Variants in DLGAP1 observed in about 807,000 individuals in gnomAD.
DLGAP1 encodes the protein disks large-associated protein 1.
A neutral mutation model predicts 90.8 loss-of-function variants in DLGAP1; 11 were observed. The ratio of observed to expected loss-of-function variants is 0.12; its 90% CI spans 0.08 to 0.20. The LOEUF (loss-of-function observed/expected upper bound fraction) is 0.20. DLGAP1 is among the 10% of genes least tolerant of loss of function. The pLI is 1.00. For missense variants in DLGAP1, 1,050 were observed against 1,333.8 expected (o/e 0.79, Z 3.31); for synonymous variants, 558 against 540.7 (o/e 1.03, Z -0.44).
At chr18:3,620,849 C>T (rs370715583) in intron 7 of DLGAP1, among the ~76,000 whole-genome samples, 3 of 152,294 alleles carry the variant, frequency 2.0e-5, no homozygotes, top group South Asian at 2.1e-4. Context: ...AGAGCCACCA[C>T]GTCCGGCCTG....
At chr18:3,889,784 T>A (rs1188904383) in intron 3 of DLGAP1, among the ~76,000 whole-genome samples, 2 of 152,174 alleles carry the variant, frequency 1.3e-5, no homozygotes, top group African/African-American at 4.8e-5. Context: ...TGGACTCTGG[T>A]AAGCTTCAAG....
At chr18:3,901,423 A>G (rs2071779911) in intron 3 of DLGAP1, among the ~76,000 whole-genome samples, 2 of 152,020 alleles carry the variant, frequency 1.3e-5, no homozygotes, top group African/African-American at 4.8e-5. Flanking sequence ...TTTCTGCTTT[A>G]CACCCCGTCC....
At chr18:3,977,145 G>T (rs951295465) in intron 3 of DLGAP1, among the ~76,000 whole-genome samples, 44 of 152,198 alleles carry the variant, frequency 2.9e-4, no homozygotes, top group African/African-American at 1.1e-3. Context: ...TGCCATCTCG[G>T]CTCACTGCAA....
intron 2 of DLGAP1, among the ~76,000 whole-genome samples, chr18:4,041,098 T>C (rs1041398435): frequency 6.6e-6 from 1 of 152,218 alleles, no homozygotes; most frequent in Non-Finnish European, 1.5e-5. Flanking sequence ...ACCCGAAGTG[T>C]TCCTCCAACT....
At chr18:3,598,922 G>A (rs1035096461) in intron 7 of DLGAP1, among the ~76,000 whole-genome samples, 1 of 151,700 alleles carries the variant, frequency 6.6e-6, no homozygotes, top group Admixed American at 6.6e-5. Context: ...ACAGGCGGGC[G>A]CCACCACACC....
At chr18:4,111,465 C>T (rs546115578) in intron 2 of DLGAP1, among the ~76,000 whole-genome samples, 60 of 152,200 alleles carry the variant, frequency 3.9e-4, no homozygotes, top group Non-Finnish European at 2.8e-4. Flanking sequence ...CTCTCCTCTC[C>T]TATTATTAAG....
At position 3,742,395 on chromosome 18, in the gene DLGAP1, T is replaced by A. The variant is rs746503715; in HGVS notation, c.1290A>T (p.Thr430=). 2 of 1,614,086 alleles carry A rather than the reference T, an allele frequency of 1.2e-6. No homozygotes were observed. Among genetic ancestry groups the A allele is most frequent in the African/African-American group, 1.3e-5 (1 of 74,934 alleles). The change falls in exon 6 of 13, where the codon ACA becomes ACT. Residue 430 remains threonine (T), a synonymous_variant. Transcript: ENST00000315677. The part of the protein sequence containing the change: ...LDSLDPAGLL[T]SPKFRSRNES... ...CATTCCTGGAGCGGAACTTTGGTGA[T>A]GTGAGCAAGCCTGCAGGGTCCAGGC...
chr18:3,641,486 G>A (rs1361522272), intron 7 of DLGAP1, among the ~76,000 whole-genome samples: 2 of 145,314 alleles, frequency 1.4e-5, no homozygotes, highest in Non-Finnish European at 3.0e-5. Context: ...GCGGTGAGCT[G>A]AGATGGCACC....
At chr18:3,704,298 T>C (rs2061369364) in intron 7 of DLGAP1, among the ~76,000 whole-genome samples, 2 of 152,064 alleles carry the variant, frequency 1.3e-5, no homozygotes, top group Non-Finnish European at 2.9e-5. Flanking sequence ...TGACCGGGTG[T>C]GGTGGCTCAT....
intron 11 of DLGAP1, among the ~76,000 whole-genome samples, chr18:3,507,887 C>A (rs1598979188): frequency 6.6e-6 from 1 of 152,222 alleles, no homozygotes; most frequent in African/African-American, 2.4e-5. Context: ...TAGGCACCTG[C>A]CACCATGCCC....
At chr18:3,593,723 G>A (rs1372701482) in intron 7 of DLGAP1, 1 of 152,196 alleles carries the variant, frequency 6.6e-6, no homozygotes, top group Non-Finnish European at 1.5e-5. Context: ...GCCTCGGCAT[G>A]TCTGGCCTAG....
chr18:3,523,707 C>A (rs539281732), intron 10 of DLGAP1, among the ~76,000 whole-genome samples: 2 of 152,092 alleles, frequency 1.3e-5, no homozygotes, highest in African/African-American at 4.8e-5. Flanking sequence ...ATTAGCCAGG[C>A]GTGGTGGCGT....
chr18:3,987,179 G>A (rs2073860622), intron 3 of DLGAP1, among the ~76,000 whole-genome samples: 1 of 152,138 alleles, frequency 6.6e-6, no homozygotes. Context: ...AAATGGTAGA[G>A]TGCCTTGGCT....
At chr18:3,613,687 T>C (rs1298380668) in intron 7 of DLGAP1, among the ~76,000 whole-genome samples, 1 of 152,200 alleles carries the variant, frequency 6.6e-6, no homozygotes, top group Non-Finnish European at 1.5e-5. Flanking sequence ...TATGAATTTA[T>C]GAACAATTAA....
At position 4,443,031 on chromosome 18, in the gene DLGAP1, G is replaced by A. The variant is rs150395625; in HGVS notation, c.-267+11975C>T. 2.3e-3 allele frequency among the ~76,000 whole-genome samples: 355 copies of A among 152,146 alleles called. 6 individuals are homozygous for A. The highest frequency in any genetic ancestry group is 0.021 in the Admixed American group (316 of 15,284). Reference sequence around the variant, plus strand: ...TTGACAATGGCCATTCTCCAATAGCGGACATCTTCAGAATGTGAAATACAT... The same window carrying A: ...TTGACAATGGCCATTCTCCAATAGCAGACATCTTCAGAATGTGAAATACAT... On this transcript the variant is annotated intron_variant, in intron 1 of 12. Coordinates refer to ENST00000315677, the MANE Select transcript of DLGAP1 (RefSeq NM_004746.4).
intron 4 of DLGAP1, among the ~76,000 whole-genome samples, chr18:3,839,516 G>T (rs1358985231): frequency 6.6e-6 from 1 of 152,160 alleles, no homozygotes; most frequent in Non-Finnish European, 1.5e-5. Context: ...TGGGCAAAGA[G>T]AAGAGAGGAG....
intron 3 of DLGAP1, among the ~76,000 whole-genome samples, chr18:3,998,095 A>G (rs1294168565): frequency 2.0e-5 from 3 of 152,176 alleles, no homozygotes; most frequent in Admixed American, 2.0e-4. Context: ...ATTGATTACC[A>G]TTGTCTACAC....
intron 2 of DLGAP1, among the ~76,000 whole-genome samples, chr18:4,105,443 G>A (rs2075843311): frequency 6.6e-6 from 1 of 152,304 alleles, no homozygotes; most frequent in African/African-American, 2.4e-5. Context: ...AAAGACCATT[G>A]TAAATTAAAC....
At chr18:3,854,495 C>G (rs951899103) in intron 4 of DLGAP1, among the ~76,000 whole-genome samples, 3 of 152,116 alleles carry the variant, frequency 2.0e-5, no homozygotes, top group Admixed American at 2.0e-4. Context: ...ACAAGTTGTT[C>G]TTTCCTCAAG....
Sources: gnomAD v4.1 joint callset for allele counts (sites outside exome capture counted in the v4.1 genomes callset) on GRCh38, gnomAD v4.1.1 for gene constraint, MANE v1.5 for transcripts, NCBI Gene and HGNC (gene_info 2026-07-23, HGNC 2026-07-21) for gene names.